The following ADGRL3 variants were observed in gnomAD, a reference collection of about 807,000 sequenced individuals.
ADGRL3 encodes adhesion G protein-coupled receptor L3.
A neutral mutation model predicts 153.5 loss-of-function variants in ADGRL3; 62 were observed. The ratio of observed to expected loss-of-function variants is 0.40; its 90% CI spans 0.33 to 0.50. The LOEUF (loss-of-function observed/expected upper bound fraction) is 0.50. ADGRL3 is among the 20% of genes least tolerant of loss of function. The pLI, the probability that ADGRL3 is intolerant of heterozygous loss-of-function variation, is 0.47. For missense variants in ADGRL3, 1,641 were observed against 1,859.4 expected, an observed-to-expected ratio of 0.88 and a Z score of 2.16; for synonymous variants, 710 against 672.5, an observed-to-expected ratio of 1.06 and a Z score of -0.86.
intron 8 of ADGRL3, among the ~76,000 whole-genome samples, chr4:61,766,672 C>A (rs201482027): frequency 6.6e-6 from 1 of 151,172 alleles, no homozygotes; most frequent in Non-Finnish European, 1.5e-5. Context: ...AGCTTTGCGG[C>A]AGTACAGCCT....
chr4:61,855,722 A>AT (rs2098255802), intron 9 of ADGRL3, among the ~76,000 whole-genome samples: 1 of 152,150 alleles, frequency 6.6e-6, no homozygotes, highest in Non-Finnish European at 1.5e-5. Flanking sequence ...GAAGAAAAAA[A>AT]AATACTTGCC....
At chr4:61,587,175 C>T (rs941834373) in intron 4 of ADGRL3, 52 bp from the exon 5 acceptor site, 9 of 1,235,774 alleles carry the variant, frequency 7.3e-6, no homozygotes, top group Non-Finnish European at 1.0e-5. Context: ...ATGTAATTTT[C>T]CTTTGTATGT....
chr4:61,685,636 G>C (rs1342511197), intron 6 of ADGRL3, among the ~76,000 whole-genome samples: 1 of 152,092 alleles, frequency 6.6e-6, no homozygotes, highest in Non-Finnish European at 1.5e-5. Flanking sequence ...GTTCTCGTAA[G>C]TGGTAGAAAG....
intron 8 of ADGRL3, among the ~76,000 whole-genome samples, chr4:61,809,844 T>C (rs1459508768): frequency 6.6e-6 from 1 of 152,018 alleles, no homozygotes; most frequent in Non-Finnish European, 1.5e-5. Context: ...CTAAGTACTT[T>C]TCTGTGTACT....
At chr4:61,416,031 A>T (rs1222114950) in intron 2 of ADGRL3, among the ~76,000 whole-genome samples, 7 of 152,056 alleles carry the variant, frequency 4.6e-5, no homozygotes, top group Non-Finnish European at 1.0e-4. Context: ...ATAAACATTC[A>T]CCTAGTTTCT....
chr4:62,066,319 G>A (rs1291374590), intron 25 of ADGRL3, among the ~76,000 whole-genome samples: 1 of 151,968 alleles, frequency 6.6e-6, no homozygotes, highest in African/African-American at 2.4e-5. Flanking sequence ...GGGTCCTCTG[G>A]TTCAGTTGCA....
chr4:62,044,952 A>G (rs1193487732), intron 25 of ADGRL3, among the ~76,000 whole-genome samples: 1 of 152,026 alleles, frequency 6.6e-6, no homozygotes, highest in African/African-American at 2.4e-5. Context: ...TATACTGTCT[A>G]ATACATACTT....
At chr4:61,997,131 C>T (rs750327013) in intron 20 of ADGRL3, among the ~76,000 whole-genome samples, 2 of 151,340 alleles carry the variant, frequency 1.3e-5, no homozygotes, top group African/African-American at 2.4e-5. Flanking sequence ...ACATATATTG[C>T]GTAATACACA....
chr4:61,385,850 A>T (rs2096729605), intron 2 of ADGRL3: 1 of 152,132 alleles, frequency 6.6e-6, no homozygotes, highest in African/African-American at 2.4e-5. Context: ...AAATGTGTGT[A>T]TGTATATGCA....
At chr4:61,627,949 T>C (rs1180816811) in intron 5 of ADGRL3, among the ~76,000 whole-genome samples, 1 of 152,154 alleles carries the variant, frequency 6.6e-6, no homozygotes, top group East Asian at 1.9e-4. Context: ...AATAAGGCTC[T>C]ACAGATAGGC....
chr4:62,063,475 T>C, intron 25 of ADGRL3: 1 of 633,240 alleles, frequency 1.6e-6, no homozygotes, highest in Non-Finnish European at 2.8e-6. Flanking sequence ...TTTTTTTTTT[T>C]TTCTCTGTCT....
intron 2 of ADGRL3, among the ~76,000 whole-genome samples, chr4:61,387,372 G>A (rs529572879): frequency 1.3e-5 from 2 of 152,100 alleles, no homozygotes; most frequent in African/African-American, 2.4e-5. Context: ...ATCAGGAGAC[G>A]AGGTTTTGAG....
intron 1 of ADGRL3, among the ~76,000 whole-genome samples, chr4:61,376,022 C>T (rs2151823685): frequency 1.3e-5 from 2 of 152,112 alleles, no homozygotes; most frequent in South Asian, 4.2e-4. Context: ...GAACATTGAT[C>T]TTTGTAATCC....
At chr4:61,681,036 G>A (rs2095324437) in intron 6 of ADGRL3, among the ~76,000 whole-genome samples, 1 of 152,014 alleles carries the variant, frequency 6.6e-6, no homozygotes, top group Non-Finnish European at 1.5e-5. Context: ...TTCTCCCTAG[G>A]AGATGACCCA....
intron 2 of ADGRL3, among the ~76,000 whole-genome samples, chr4:61,423,271 A>G (rs889388990): frequency 3.9e-5 from 6 of 152,224 alleles, no homozygotes; most frequent in Admixed American, 3.3e-4. Context: ...AACGTTGACC[A>G]TTTCAGTAGA....
intron 11 of ADGRL3, 98 bp downstream of exon 11, chr4:61,895,932 A>G (rs1012229331): frequency 3.4e-6 from 2 of 593,420 alleles, no homozygotes; most frequent in Non-Finnish European, 5.6e-6. Flanking sequence ...TTCTTTTAAA[A>G]TCAATGTAGA....
At chr4:61,803,882 G>A (rs908868832) in intron 8 of ADGRL3, among the ~76,000 whole-genome samples, 2 of 151,976 alleles carry the variant, frequency 1.3e-5, no homozygotes, top group African/African-American at 4.8e-5. Context: ...TCCAAATTAT[G>A]CTAATAATGC....
intron 6 of ADGRL3, among the ~76,000 whole-genome samples, chr4:61,682,518 A>G (rs1179259574): frequency 6.6e-6 from 1 of 152,028 alleles, no homozygotes; most frequent in Non-Finnish European, 1.5e-5. Flanking sequence ...CTGTTTAGAA[A>G]ATAGGAAGCA....
intron 8 of ADGRL3, among the ~76,000 whole-genome samples, chr4:61,799,350 T>C (rs1284863224): frequency 6.6e-6 from 1 of 152,158 alleles, no homozygotes; most frequent in African/African-American, 2.4e-5. Flanking sequence ...TTTTGCAGGC[T>C]ACATGTGATC....
Sources: allele counts gnomAD v4.1 joint callset (sites outside exome capture counted in the v4.1 genomes callset), GRCh38; gene constraint gnomAD v4.1.1; transcripts MANE v1.5; gene names NCBI Gene and HGNC (gene_info 2026-07-23, HGNC 2026-07-21).